NPLOC4: variants seen among roughly 807,000 people sequenced by gnomAD.
NPLOC4 encodes the protein nuclear protein localization protein 4 homolog.
A neutral mutation model predicts 80.6 loss-of-function variants in NPLOC4; 18 were observed. The observed-to-expected ratio is 0.22, with a 90% CI of 0.15 to 0.33. The LOEUF (loss-of-function observed/expected upper bound fraction) is 0.33. Ranked by LOEUF, NPLOC4 falls within the 10% of genes least tolerant of loss-of-function variation. The pLI, the probability that NPLOC4 is intolerant of heterozygous loss-of-function variation, is 1.00. For synonymous variants in NPLOC4, 313 were observed against 301.5 expected, an observed-to-expected ratio of 1.04 and a Z score of -0.39; for missense variants, 540 against 786.1, an observed-to-expected ratio of 0.69 and a Z score of 3.74.
Position 81,637,028 on chromosome 17 carries a change from G to A in NPLOC4, c.-98C>T. 1 of 713,554 alleles carries A rather than the reference G, an allele frequency of 1.4e-6. No homozygotes were observed. The highest frequency in any genetic ancestry group is 1.9e-6 in the Non-Finnish European group (1 of 530,610). The allele number at this position is 713,554 out of a possible 1,614,324, so 44.2% of individuals were successfully genotyped here. On this transcript the variant is annotated 5_prime_UTR_variant, in exon 1 of 17. Coordinates refer to ENST00000331134, the MANE Select transcript of NPLOC4 (RefSeq NM_017921.4). ...GGCCGCGGCCTCAGCCCCGGCCCCG[G>A]CCTCCCTACGCCGCCGCCACCGCCG...
chr17:81,581,631 G>A (rs2034444054), intron 12 of NPLOC4, among the ~76,000 whole-genome samples: 1 of 152,164 alleles, frequency 6.6e-6, no homozygotes, highest in Non-Finnish European at 1.5e-5. Flanking sequence ...AACGATTACA[G>A]AAATCAGCCA....
intron 11 of NPLOC4, among the ~76,000 whole-genome samples, chr17:81,589,337 C>T (rs757323442): frequency 7.2e-5 from 11 of 151,870 alleles, no homozygotes; most frequent in Non-Finnish European, 1.3e-4. Context: ...GAGACCATCC[C>T]GGATAACACG....
intron 3 of NPLOC4, among the ~76,000 whole-genome samples, chr17:81,616,487 T>C (rs566330234): frequency 1.3e-5 from 2 of 151,502 alleles, no homozygotes; most frequent in South Asian, 2.1e-4. Context: ...TCCCAGCACG[T>C]TGGGAGGCCG....
intron 7 of NPLOC4, 24 bp downstream of exon 7, chr17:81,606,667 C>T (rs2035211755): frequency 6.2e-7 from 1 of 1,604,554 alleles, no homozygotes; most frequent in African/African-American, 1.3e-5. Flanking sequence ...GAAAACAAAT[C>T]TAGACAGACA....
At chr17:81,565,920 G>A (rs1004322717) in intron 15 of NPLOC4, among the ~76,000 whole-genome samples, 13 of 152,322 alleles carry the variant, frequency 8.5e-5, no homozygotes, top group Admixed American at 5.2e-4. Flanking sequence ...GATGGAGGGC[G>A]GAAGTCTTGA....
intron 12 of NPLOC4, among the ~76,000 whole-genome samples, chr17:81,581,011 G>A (rs917720134): frequency 2.0e-5 from 3 of 152,146 alleles, no homozygotes; most frequent in South Asian, 2.1e-4. Context: ...GCTTATGCCC[G>A]TCAGACTATT....
chr17:81,585,105 G>A (rs896043016), intron 12 of NPLOC4, among the ~76,000 whole-genome samples: 2 of 137,018 alleles, frequency 1.5e-5, no homozygotes, highest in Admixed American at 8.3e-5. Flanking sequence ...GGGAGGCGGA[G>A]GTTGCAGTGA....
chr17:81,630,017 G>C, intron 1 of NPLOC4: 1 of 506,802 alleles, frequency 2.0e-6, no homozygotes, highest in South Asian at 2.8e-5. Flanking sequence ...TAAGAGTACT[G>C]TCCTCTCAAC....
intron 11 of NPLOC4, among the ~76,000 whole-genome samples, chr17:81,590,903 A>G (rs1231707185): frequency 6.6e-6 from 1 of 152,204 alleles, no homozygotes; most frequent in Non-Finnish European, 1.5e-5. Context: ...AACTCGCTCC[A>G]AAGGCACAGT....
rs1478624327 is a variant in NPLOC4 at position 81,559,371 on chromosome 17, A to G, written c.1715T>C (p.Val572Ala). Residue 572 changes from valine (V) to alanine (A), a missense_variant, in exon 17 of 17, where the codon GTC becomes GCC. Val to Ala is a moderately conservative substitution (Grantham distance 64). Around this residue, in one of 6 missense-constraint regions of NPLOC4, gnomAD observed 87 missense variants for 70.3 expected, o/e 1.24. Coordinates refer to ENST00000331134, the MANE Select transcript of NPLOC4 (RefSeq NM_017921.4). ...QLPGLHEYGAVGGSTHTATAA... is the reference protein window; with the variant it reads ...QLPGLHEYGAAGGSTHTATAA... ...AGTGGCCGTGTGTGTGGAGCCCCCG[A>G]CGGCGCCGTACTCATGGAGACCTGG... 1.9e-6 allele frequency: 3 copies of G among 1,609,276 alleles called. No individual in the cohort carries two copies. Among genetic ancestry groups the G allele is most frequent in the African/African-American group, 2.7e-5 (2 of 74,812 alleles).
At chr17:81,635,158 G>A (rs2036031687) in intron 1 of NPLOC4, among the ~76,000 whole-genome samples, 2 of 151,648 alleles carry the variant, frequency 1.3e-5, no homozygotes, top group African/African-American at 4.8e-5. Flanking sequence ...TGGCCAACAC[G>A]GTGAAACCCC....
At chr17:81,618,415 GC>G (rs2035565696) in intron 3 of NPLOC4, among the ~76,000 whole-genome samples, 1 of 151,244 alleles carries the variant, frequency 6.6e-6, no homozygotes, top group African/African-American at 2.4e-5. Flanking sequence ...GAGCCCCTCC[GC>G]CCCGCAGCCG....
chr17:81,617,934 C>T (rs1333797173), intron 3 of NPLOC4, among the ~76,000 whole-genome samples: 1 of 152,232 alleles, frequency 6.6e-6, no homozygotes, highest in East Asian at 1.9e-4. Flanking sequence ...GCCGGGATTG[C>T]AGACGGAGTC....
intron 13 of NPLOC4, among the ~76,000 whole-genome samples, chr17:81,571,328 C>T (rs1269626616): frequency 6.6e-6 from 1 of 152,218 alleles, no homozygotes; most frequent in Non-Finnish European, 1.5e-5. Context: ...TCTGCAAAGG[C>T]TCATCCTGCC....
Position 81,631,920 on chromosome 17 carries a change from C to A in NPLOC4, c.16-2115G>T, listed in dbSNP as rs1307269058. Among the ~76,000 whole-genome samples, 3 of 152,170 alleles carry A rather than the reference C, an allele frequency of 2.0e-5. No individual in the cohort carries two copies. The East Asian group carries it at 5.8e-4, about 29-fold the overall frequency. ...GTTCAAGTGATTCTCCTGCCTCAGCCTCCTGAGTAGCTGGAATCACAGGCG... is the reference window on the plus strand; with the variant it reads ...GTTCAAGTGATTCTCCTGCCTCAGCATCCTGAGTAGCTGGAATCACAGGCG... On this transcript the variant is annotated intron_variant, in intron 1 of 16. Transcript: ENST00000331134.
At chr17:81,568,244 A>C (rs1200714946) in intron 14 of NPLOC4, among the ~76,000 whole-genome samples, 50 of 152,272 alleles carry the variant, frequency 3.3e-4, no homozygotes, top group Non-Finnish European at 4.4e-5. Context: ...TTCTCCATCT[A>C]GGGCAGCAAG....
intron 16 of NPLOC4, chr17:81,565,112 T>C (rs1030831034): frequency 3.1e-5 from 18 of 588,414 alleles, no homozygotes; most frequent in African/African-American, 2.6e-4. Flanking sequence ...TTCTCCTCCT[T>C]ACAGCTTTAA....
At chr17:81,600,230 C>CG in intron 9 of NPLOC4, 111 bp downstream of exon 9, 2 of 726,402 alleles carry the variant, frequency 2.8e-6, no homozygotes, top group Non-Finnish European at 4.9e-6. Context: ...CTTGTGCAGC[C>CG]GGAGAGAGCC....
intron 1 of NPLOC4, among the ~76,000 whole-genome samples, chr17:81,634,976 T>G (rs965419110): frequency 1.3e-5 from 2 of 152,176 alleles, no homozygotes; most frequent in Admixed American, 1.3e-4. Flanking sequence ...GGTAGGAGGA[T>G]CCCTCGAGCT....
Sources: allele counts gnomAD v4.1 joint callset (sites outside exome capture counted in the v4.1 genomes callset), GRCh38; gene constraint gnomAD v4.1.1; regional missense constraint gnomAD v4.1.1; transcripts MANE v1.5; gene names NCBI Gene and HGNC (gene_info 2026-07-23, HGNC 2026-07-21).